ATXN2: variants seen among roughly 807,000 people sequenced by gnomAD.
ATXN2 encodes ataxin 2, also known as ataxin-2.
A neutral mutation model predicts 138.6 loss-of-function variants in ATXN2; 37 were observed. That is an observed-to-expected ratio of 0.27 (90% confidence interval 0.21 to 0.35). ATXN2 has a LOEUF of 0.35. Ranked by LOEUF, ATXN2 falls within the 10% of genes least tolerant of loss-of-function variation. The pLI is 1.00. For missense variants in ATXN2, 1,216 were observed against 1,480.3 expected (o/e 0.82, Z 2.93); for synonymous variants, 549 against 543.7 (o/e 1.01, Z -0.13).
chr12:111,590,657 C>CT (rs1884609137), intron 1 of ATXN2, among the ~76,000 whole-genome samples: 3 of 151,244 alleles, frequency 2.0e-5, no homozygotes, highest in Non-Finnish European at 2.9e-5. Flanking sequence ...TGCACTCCAG[C>CT]CTGGTGACAG....
intron 1 of ATXN2, among the ~76,000 whole-genome samples, chr12:111,582,910 C>T (rs1884089358): frequency 6.6e-6 from 1 of 151,920 alleles, no homozygotes; most frequent in Admixed American, 6.6e-5. Flanking sequence ...CCTCGTGATC[C>T]ACCCGCCTCG....
rs554557882 is a variant in ATXN2 at position 111,536,457 on chromosome 12, G to A, written c.572-11141C>T. Among the ~76,000 whole-genome samples, 4 of 152,198 alleles carry A rather than the reference G, an allele frequency of 2.6e-5. No homozygotes were observed. The South Asian group carries it at 6.2e-4, about 24-fold the overall frequency. Reference sequence around the variant, plus strand: ...AAAGAGACAGACAATAACAAATGCTGGTGAGGATGTGAAAAACATAAGAAA... The same window carrying A: ...AAAGAGACAGACAATAACAAATGCTAGTGAGGATGTGAAAAACATAAGAAA... On this transcript the variant is annotated intron_variant, in intron 5 of 24. Transcript: ENST00000673436.
At chr12:111,510,629 T>C (rs1879452302) in intron 11 of ATXN2, 47 bp from the exon 12 acceptor site, 9 of 1,514,776 alleles carry the variant, frequency 5.9e-6, no homozygotes, top group East Asian at 2.3e-5. Context: ...GTTCAAATGT[T>C]ACTTCCTAAA....
chr12:111,588,700 T>A (rs1361153433), intron 1 of ATXN2, among the ~76,000 whole-genome samples: 3 of 149,894 alleles, frequency 2.0e-5, no homozygotes, highest in Admixed American at 6.7e-5. Context: ...ATAAAAAAAA[T>A]ACCAAACCAG....
chr12:111,586,367 G>C (rs11065965), intron 1 of ATXN2, among the ~76,000 whole-genome samples: 1 of 137,760 alleles, frequency 7.3e-6, no homozygotes, highest in East Asian at 2.0e-4. Context: ...GATTACAGGC[G>C]CCCGCCCAGC....
In ATXN2 at chr12:111,493,787, C is replaced by T. The variant is rs180894045; in HGVS notation, c.1936-5007G>A. On this transcript the variant is annotated intron_variant, in intron 14 of 24. Transcript: ENST00000673436. ...AGGATTACAGGTGCGTGCCACCACG[C>T]CTGGCTAATTTTTGTATTTTTAGTA... 6.6e-5 allele frequency among the ~76,000 whole-genome samples: 10 copies of T among 151,590 alleles called. No individual in the cohort carries two copies. In the East Asian group the frequency reaches 2.0e-3, roughly 30 times the overall value.
intron 5 of ATXN2, among the ~76,000 whole-genome samples, chr12:111,537,317 G>A (rs1881242759): frequency 6.6e-6 from 1 of 152,150 alleles, no homozygotes. Flanking sequence ...AGATGCGGTG[G>A]CTCATGGCTG....
rs752365040 is a variant in ATXN2 at position 111,552,867 on chromosome 12, C to A, written c.420+39G>T. On this transcript the variant is annotated intron_variant, in intron 4 of 24. Transcript: ENST00000673436. This position sits in a 1 kb window ranked among gnomAD's most constrained non-coding sequence, Gnocchi z 4.1. ...GTAAAACACTGACTATGAAAATGTT[C>A]TTTTACTTTGTAAGAAAAAGAAAAA... is the stretch of plus-strand genomic sequence containing the variant. The A allele has an allele frequency of 8.0e-6, 11 of 1,375,218 alleles. No homozygotes were observed. The highest frequency in any genetic ancestry group is 1.1e-5 in the Non-Finnish European group (11 of 1,007,200). 85.2% of individuals were successfully genotyped at this position (1,375,218 alleles called of 1,614,324 possible).
At chr12:111,527,695 GC>G (rs1880574507) in intron 5 of ATXN2, among the ~76,000 whole-genome samples, 1 of 152,190 alleles carries the variant, frequency 6.6e-6, no homozygotes, top group African/African-American at 2.4e-5. Context: ...GCAGGACTCA[GC>G]TGGGGGTGGA....
At chr12:111,559,136 G>GTTT (rs762892445) in intron 1 of ATXN2, among the ~76,000 whole-genome samples, 1 of 142,152 alleles carries the variant, frequency 7.0e-6, no homozygotes, top group Non-Finnish European at 1.5e-5. Context: ...ACAGTTTTTT[G>GTTT]TTTTTTTTTT....
At position 111,483,452 on chromosome 12, in the gene ATXN2, C is replaced by CTTTT. The variant is rs927752030; in HGVS notation, c.2524+1809_2524+1812dup. The stretch of plus-strand genomic sequence containing the variant: ...AGCATTTTCCAACATTAAAAGAACT[C>CTTTT]TTTTTTTTTTTTTTTTTTTTTGGAC... On this transcript the variant is annotated intron_variant, in intron 18 of 24. Coordinates refer to ENST00000673436, the MANE Select transcript of ATXN2 (RefSeq NM_001372574.1). Among the ~76,000 whole-genome samples, 82 of 107,202 alleles carry CTTTT rather than the reference C, an allele frequency of 7.6e-4. 1 individual carries two copies. Among genetic ancestry groups the CTTTT allele is most frequent in the Non-Finnish European group, 1.2e-3 (67 of 53,970 alleles). The allele number at this position is 107,202 out of a possible 152,430, so 70.3% of individuals were successfully genotyped here.
intron 1 of ATXN2, among the ~76,000 whole-genome samples, chr12:111,569,921 T>C (rs1399754934): frequency 6.6e-6 from 1 of 152,164 alleles, no homozygotes; most frequent in Non-Finnish European, 1.5e-5. Flanking sequence ...CAAGAGAACT[T>C]TGTACAATGA....
intron 20 of ATXN2, among the ~76,000 whole-genome samples, chr12:111,466,201 TAAAA>T (rs770117015): frequency 8.4e-6 from 1 of 119,166 alleles, no homozygotes; most frequent in Non-Finnish European, 1.8e-5. Flanking sequence ...AAATAAAAAA[TAAAA>T]AAAAAAAAAG....
intron 2 of ATXN2, 25 bp from the exon 3 acceptor site, chr12:111,554,242 C>T (rs943588713): frequency 9.2e-7 from 1 of 1,084,046 alleles, no homozygotes; most frequent in East Asian, 3.0e-5. Context: ...AAAAAAAAAA[C>T]TATTAGAAAT....
At chr12:111,553,105 T>TA in intron 3 of ATXN2, 128 bp from the exon 4 acceptor site, 2 of 500,476 alleles carry the variant, frequency 4.0e-6, no homozygotes, top group Non-Finnish European at 6.6e-6. Context: ...AACAAAACAA[T>TA]AAAAAAATTT....
chr12:111,580,527 AGAT>A (rs1308206323), intron 1 of ATXN2, among the ~76,000 whole-genome samples: 5 of 150,622 alleles, frequency 3.3e-5, no homozygotes, highest in African/African-American at 1.2e-4. Flanking sequence ...AAAAAAAAAA[AGAT>A]GACAACGGAA....
intron 1 of ATXN2, among the ~76,000 whole-genome samples, chr12:111,588,938 T>C (rs1019098699): frequency 1.4e-4 from 17 of 123,482 alleles, no homozygotes; most frequent in Admixed American, 4.6e-4. Context: ...GAGCTTGCAG[T>C]GAGCTGAGAT....
At chr12:111,557,105 A>T (rs949852117) in intron 1 of ATXN2, among the ~76,000 whole-genome samples, 5 of 152,342 alleles carry the variant, frequency 3.3e-5, no homozygotes, top group South Asian at 4.1e-4. Flanking sequence ...TAGAATAATT[A>T]AAAAACATCA....
At chr12:111,499,841 G>A (rs1037193816) in intron 14 of ATXN2, among the ~76,000 whole-genome samples, 1 of 152,126 alleles carries the variant, frequency 6.6e-6, no homozygotes, top group Non-Finnish European at 1.5e-5. Flanking sequence ...TTTATGAATG[G>A]CAAACAGGTA....
Sources: gnomAD v4.1 joint callset for allele counts (sites outside exome capture counted in the v4.1 genomes callset) on GRCh38, gnomAD v4.1.1 for gene constraint, Gnocchi (gnomAD v3.1) non-coding constraint, MANE v1.5 for transcripts, NCBI Gene and HGNC (gene_info 2026-07-23, HGNC 2026-07-21) for gene names.